ATF3: variants seen among roughly 807,000 people sequenced by gnomAD.
The protein encoded by ATF3 is cyclic AMP-dependent transcription factor ATF-3.
ATF3 carries 10 observed loss-of-function variants against 18.4 expected under a neutral mutation model. The ratio of observed to expected loss-of-function variants is 0.54; its 90% CI spans 0.34 to 0.92. The LOEUF is 0.92. ATF3 is among the 40% of genes least tolerant of loss of function. The probability of loss-of-function intolerance (pLI) is 0.02; values close to 1 mark genes in which losing one functional copy is unlikely to be tolerated. For synonymous variants in ATF3, 78 were observed against 87.9 expected, an observed-to-expected ratio of 0.89 and a Z score of 0.63; for missense variants, 183 against 222.3, an observed-to-expected ratio of 0.82 and a Z score of 1.12.
chr1:212,577,473 T>A (rs566103955), intron 1 of ATF3, among the ~76,000 whole-genome samples: 73 of 152,292 alleles, frequency 4.8e-4, no homozygotes, highest in African/African-American at 1.6e-3. Flanking sequence ...TTATTAACTA[T>A]AGTCACTATG....
intron 1 of ATF3, among the ~76,000 whole-genome samples, chr1:212,586,785 C>G (rs1472429027): frequency 6.6e-6 from 1 of 152,200 alleles, no homozygotes; most frequent in African/African-American, 2.4e-5. Context: ...AAATAACCAA[C>G]AGTTATCACG....
At chr1:212,590,743 A>G (rs10494953) in intron 1 of ATF3, among the ~76,000 whole-genome samples, 37,871 of 152,154 alleles carry the variant, frequency 0.25, 4,960 homozygotes, top group African/African-American at 0.33. Context: ...CACATTTCCC[A>G]GGCACCACTT....
chr1:212,616,626 G>T (rs1217713570), intron 2 of ATF3, among the ~76,000 whole-genome samples: 1 of 152,116 alleles, frequency 6.6e-6, no homozygotes, highest in African/African-American at 2.4e-5. Flanking sequence ...TGATCACCCT[G>T]GCTGTCATGT....
chr1:212,580,005 G>A (rs1242361826), intron 1 of ATF3, among the ~76,000 whole-genome samples: 1 of 151,794 alleles, frequency 6.6e-6, no homozygotes, highest in African/African-American at 2.4e-5. Flanking sequence ...AACTTAGCTG[G>A]GCCTGGTGCT....
intron 1 of ATF3, among the ~76,000 whole-genome samples, chr1:212,601,774 C>T (rs1281773284): frequency 2.0e-5 from 3 of 152,052 alleles, no homozygotes; most frequent in Non-Finnish European, 4.4e-5. Context: ...AGTCAGTAAG[C>T]CAGCCTGAGA....
At position 212,568,631 on chromosome 1, in the gene ATF3, T is replaced by C. The variant is rs143287992; in HGVS notation, c.-5+3148T>C. 4.6e-5 allele frequency among the ~76,000 whole-genome samples: 7 copies of C among 152,344 alleles called. No individual in the cohort carries two copies. In the East Asian group the frequency reaches 1.3e-3, roughly 29 times the overall value. ...ATGGCCATTAAGGAGAGTCAGGATC[T>C]GTGGTCCCATCCCAAATATTTGAAG... is the stretch of plus-strand genomic sequence containing the variant. On this transcript the variant is annotated intron_variant, in intron 1 of 3. Transcript: ENST00000366981.
intron 1 of ATF3, among the ~76,000 whole-genome samples, chr1:212,603,616 T>C (rs936091771): frequency 6.6e-6 from 1 of 152,176 alleles, no homozygotes; most frequent in Non-Finnish European, 1.5e-5. Flanking sequence ...ACACTCTAAA[T>C]TCTAAAAGTA....
At chr1:212,580,414 A>C (rs1571761215) in intron 1 of ATF3, among the ~76,000 whole-genome samples, 1 of 151,674 alleles carries the variant, frequency 6.6e-6, no homozygotes, top group East Asian at 1.9e-4. Context: ...TCCCAGGCCC[A>C]AGTGACCCTC....
In ATF3 at chr1:212,602,612, A is replaced by G. The variant is rs1654513196; in HGVS notation, c.-4-12406A>G. Among the ~76,000 whole-genome samples, 3 of 152,240 alleles carry G rather than the reference A, an allele frequency of 2.0e-5. No homozygotes were observed. In the South Asian group the frequency reaches 6.2e-4, roughly 32 times the overall value. ...GCTCACTAGCTAGGTAACTTCTGGC[A>G]AGTTATTTACCCTGTCTGTGCCTCA... On this transcript the variant is annotated intron_variant, in intron 1 of 3. Transcript: ENST00000366981.
At chr1:212,610,129 C>T (rs550195059) in intron 1 of ATF3, among the ~76,000 whole-genome samples, 1 of 152,316 alleles carries the variant, frequency 6.6e-6, no homozygotes, top group South Asian at 2.1e-4. Context: ...GATTCGTTCT[C>T]CTTCTCTGCT....
At chr1:212,607,603 T>G (rs1654674519), upstream of ATF3, among the ~76,000 whole-genome samples, 1 of 152,264 alleles carries the variant, frequency 6.6e-6, no homozygotes, top group Non-Finnish European at 1.5e-5. Context: ...GGGTTCCGCC[T>G]GTGGTCATTG....
chr1:212,610,345 C>G (rs991635566), intron 1 of ATF3, among the ~76,000 whole-genome samples: 4 of 152,218 alleles, frequency 2.6e-5, no homozygotes, highest in Non-Finnish European at 5.9e-5. Context: ...GTCATATCTT[C>G]TGTTCGAAGT....
chr1:212,615,339 AG>A, intron 2 of ATF3, 78 bp downstream of exon 2: 2 of 1,530,258 alleles, frequency 1.3e-6, no homozygotes, highest in Non-Finnish European at 8.8e-7. Context: ...TGTTCTAGGC[AG>A]GGGGCTGTTG....
chr1:212,577,027 G>T (rs767129489), intron 1 of ATF3, among the ~76,000 whole-genome samples: 1 of 151,818 alleles, frequency 6.6e-6, no homozygotes, highest in African/African-American at 2.4e-5. Flanking sequence ...CACCGAGCCC[G>T]GCCCAAAATA....
In ATF3 at chr1:212,577,151, T is replaced by A. The variant is rs191190135; in HGVS notation, c.-5+11668T>A. Among the ~76,000 whole-genome samples, 476 of 152,320 alleles carry A rather than the reference T, an allele frequency of 3.1e-3. 2 individuals carry two copies. The highest frequency in any genetic ancestry group is 0.011 in the African/African-American group (470 of 41,570). On this transcript the variant is annotated intron_variant, in intron 1 of 3. Transcript: ENST00000366981. ...GTATAGAATTTGAGACTGGTATTTA[T>A]TTTCCCTCTGCACTTTGAACATATT... is the stretch of plus-strand genomic sequence containing the variant.
At position 212,581,471 on chromosome 1, in the gene ATF3, AG is replaced by A. The variant is rs542788756; in HGVS notation, c.-5+15990del. Among the ~76,000 whole-genome samples, 9 of 152,340 alleles carry A rather than the reference AG, an allele frequency of 5.9e-5. No individual in the cohort carries two copies. In the South Asian group the frequency reaches 1.5e-3, roughly 25 times the overall value. Reference sequence around the variant, plus strand: ...CCATGGCATTTCTTATGGGTGTCATAGGAGTTTTATTTTGTTGTTGATGACG... The same window carrying A: ...CCATGGCATTTCTTATGGGTGTCATAGAGTTTTATTTTGTTGTTGATGACG... On this transcript the variant is annotated intron_variant, in intron 1 of 3. Transcript: ENST00000366981.
At chr1:212,607,797 C>G (rs531626816), upstream of ATF3, among the ~76,000 whole-genome samples, 1 of 152,378 alleles carries the variant, frequency 6.6e-6, no homozygotes, top group African/African-American at 2.4e-5. Flanking sequence ...GGCTTCCGCC[C>G]CCTCCTACCC....
chr1:212,603,877 G>A (rs1454927114), upstream of ATF3, among the ~76,000 whole-genome samples: 5 of 151,764 alleles, frequency 3.3e-5, no homozygotes, highest in South Asian at 8.3e-4. Context: ...TATACCATTC[G>A]AGGTAATAAG....
intron 2 of ATF3, among the ~76,000 whole-genome samples, chr1:212,616,387 C>T (rs966344825): frequency 6.6e-6 from 1 of 152,128 alleles, no homozygotes; most frequent in African/African-American, 2.4e-5. Context: ...ACCTCTGCCT[C>T]CCAGGTTCAA....
Sources: gnomAD v4.1 joint callset for allele counts (sites outside exome capture counted in the v4.1 genomes callset) on GRCh38, gnomAD v4.1.1 for gene constraint, MANE v1.5 for transcripts, NCBI Gene and HGNC (gene_info 2026-07-23, HGNC 2026-07-21) for gene names.